The following PITPNC1 variants were observed in gnomAD, a reference collection of about 807,000 sequenced individuals.
PITPNC1 encodes the protein cytoplasmic phosphatidylinositol transfer protein 1.
A neutral mutation model predicts 44.7 loss-of-function variants in PITPNC1; 18 were observed. The observed-to-expected ratio is 0.40, with a 90% CI of 0.28 to 0.60. The LOEUF (loss-of-function observed/expected upper bound fraction) is 0.60. Among genes scored for constraint, PITPNC1 ranks in the 20% least tolerant of loss-of-function variants. The probability of loss-of-function intolerance (pLI) is 0.39; values close to 1 mark genes in which losing one functional copy is unlikely to be tolerated. For missense variants in PITPNC1, 290 were observed against 418.4 expected (o/e 0.69, Z 2.68); for synonymous variants, 141 against 149.6 (o/e 0.94, Z 0.42).
intron 7 of PITPNC1, among the ~76,000 whole-genome samples, chr17:67,672,500 G>A (rs934026111): frequency 6.6e-6 from 1 of 151,762 alleles, no homozygotes; most frequent in African/African-American, 2.4e-5. Context: ...TCCAGAGGCC[G>A]AGGCAGGAGA....
At chr17:67,456,775 A>G (rs893129580) in intron 1 of PITPNC1, among the ~76,000 whole-genome samples, 4 of 152,072 alleles carry the variant, frequency 2.6e-5, no homozygotes, top group African/African-American at 9.7e-5. Flanking sequence ...CGTCTTTCTA[A>G]GTACTCTTTT....
At chr17:67,534,663 G>GAA (rs1313208133) in intron 2 of PITPNC1, among the ~76,000 whole-genome samples, 1 of 151,500 alleles carries the variant, frequency 6.6e-6, no homozygotes, top group Non-Finnish European at 1.5e-5. Context: ...GAAAAGAAAA[G>GAA]AAAAGAATAA....
intron 2 of PITPNC1, among the ~76,000 whole-genome samples, chr17:67,544,005 C>T (rs1203855534): frequency 1.3e-5 from 2 of 152,136 alleles, no homozygotes; most frequent in East Asian, 3.9e-4. Context: ...CACCTGCTAC[C>T]ACGCCGGGCT....
At position 67,469,470 on chromosome 17, in the gene PITPNC1, G is replaced by A. The variant is rs528488758; in HGVS notation, c.49-63332G>A. 7.2e-5 allele frequency among the ~76,000 whole-genome samples: 11 copies of A among 152,206 alleles called. No homozygotes were observed. The South Asian group carries it at 1.9e-3, about 26-fold the overall frequency. ...GCCTCTGTGTTTTAACAAGATCCCCGGGATCTGTCTGCCTGTTGACAAGGG... is the reference window on the plus strand; with the variant it reads ...GCCTCTGTGTTTTAACAAGATCCCCAGGATCTGTCTGCCTGTTGACAAGGG... On this transcript the variant is annotated intron_variant, in intron 1 of 8. Transcript: ENST00000581322.
At chr17:67,565,894 A>G (rs1598828353) in intron 4 of PITPNC1, among the ~76,000 whole-genome samples, 1 of 149,762 alleles carries the variant, frequency 6.7e-6, no homozygotes, top group East Asian at 2.0e-4. Flanking sequence ...CTTGTTTTCC[A>G]TGTTTTTCAG....
At chr17:67,396,062 G>C (rs2038215800) in intron 1 of PITPNC1, among the ~76,000 whole-genome samples, 2 of 152,178 alleles carry the variant, frequency 1.3e-5, no homozygotes, top group African/African-American at 4.8e-5. Flanking sequence ...CTTTTCAGCA[G>C]CATGACTTAT....
intron 5 of PITPNC1, among the ~76,000 whole-genome samples, chr17:67,596,850 A>C (rs1274747421): frequency 1.3e-5 from 2 of 151,048 alleles, no homozygotes; most frequent in Non-Finnish European, 2.9e-5. Context: ...TTGCTTTTCT[A>C]TACTCCCTTG....
intron 1 of PITPNC1, among the ~76,000 whole-genome samples, chr17:67,408,506 G>C (rs1027063757): frequency 6.6e-6 from 1 of 152,108 alleles, no homozygotes; most frequent in African/African-American, 2.4e-5. Flanking sequence ...CTCCAGCCTG[G>C]ACGACAGAGT....
At chr17:67,588,092 C>T (rs1002286803) in intron 5 of PITPNC1, among the ~76,000 whole-genome samples, 3 of 152,176 alleles carry the variant, frequency 2.0e-5, no homozygotes, top group East Asian at 1.9e-4. Context: ...CAATCTCTAC[C>T]TCTCAGGTTC....
At chr17:67,628,311 CTATCTTTGTAGT>C (rs1435476504) in intron 5 of PITPNC1, among the ~76,000 whole-genome samples, 1 of 152,100 alleles carries the variant, frequency 6.6e-6, no homozygotes, top group Non-Finnish European at 1.5e-5. Flanking sequence ...CTCTCAAGGG[CTATCTTTGTAGT>C]CCCTCAAGCC....
At chr17:67,401,349 C>T (rs560877857) in intron 1 of PITPNC1, among the ~76,000 whole-genome samples, 1 of 152,250 alleles carries the variant, frequency 6.6e-6, no homozygotes, top group African/African-American at 2.4e-5. Flanking sequence ...ATCATCTTGC[C>T]TTTGGGCTTA....
chr17:67,467,922 T>G (rs897250177), intron 1 of PITPNC1, among the ~76,000 whole-genome samples: 1 of 152,232 alleles, frequency 6.6e-6, no homozygotes, highest in African/African-American at 2.4e-5. Context: ...AGTTGGAGAC[T>G]TACGATGTAA....
chr17:67,490,367 T>G (rs1211457217), intron 1 of PITPNC1, among the ~76,000 whole-genome samples: 3 of 152,126 alleles, frequency 2.0e-5, no homozygotes, highest in African/African-American at 7.2e-5. Context: ...GTTTTGTTTT[T>G]TTTTAAATCT....
chr17:67,669,955 C>A (rs1316166026), intron 7 of PITPNC1, among the ~76,000 whole-genome samples: 1 of 151,812 alleles, frequency 6.6e-6, no homozygotes, highest in Non-Finnish European at 1.5e-5. Flanking sequence ...GTGCCTGTAA[C>A]CCAGCTACTC....
rs184925131 is a variant in PITPNC1, at chr17:67,596,456, G to A, written c.366+18199G>A. Among the ~76,000 whole-genome samples, 14 of 152,126 alleles carry A rather than the reference G, an allele frequency of 9.2e-5. No individual in the cohort carries two copies. In the East Asian group the frequency reaches 1.4e-3, roughly 15 times the overall value. On this transcript the variant is annotated intron_variant, in intron 5 of 8. Coordinates refer to ENST00000581322, the MANE Select transcript of PITPNC1 (RefSeq NM_012417.4). ...CATTCTGCTTTGGCTAAGAGTTTAC[G>A]TAACTGCATACTGTTCCCTATTTCT...
chr17:67,529,922 T>A (rs2040438553), intron 1 of PITPNC1, among the ~76,000 whole-genome samples: 1 of 152,112 alleles, frequency 6.6e-6, no homozygotes, highest in South Asian at 2.1e-4. Context: ...CACTCCAGTC[T>A]GGGCGACAGA....
rs562298907 is a variant in PITPNC1 at position 67,659,427 on chromosome 17, T to C, written c.463-10081T>C. Among the ~76,000 whole-genome samples the C allele has an allele frequency of 7.9e-5, 12 of 152,338 alleles. No individual in the cohort carries two copies. The South Asian group carries it at 2.3e-3, about 29-fold the overall frequency. ...CATGTTGCCACATGGTCTCACCACA[T>C]GGCTAGCTTGGGCCTCCTCATATCA... On this transcript the variant is annotated intron_variant, in intron 6 of 8. Coordinates refer to ENST00000581322, the MANE Select transcript of PITPNC1 (RefSeq NM_012417.4).
At chr17:67,602,507 T>C (rs1160360867) in intron 5 of PITPNC1, among the ~76,000 whole-genome samples, 1 of 152,142 alleles carries the variant, frequency 6.6e-6, no homozygotes, top group East Asian at 1.9e-4. Context: ...ATAGTGTTGA[T>C]GGGCTGCCCA....
chr17:67,536,988 AC>A (rs2040539330), intron 2 of PITPNC1, among the ~76,000 whole-genome samples: 1 of 152,216 alleles, frequency 6.6e-6, no homozygotes, highest in Admixed American at 6.5e-5. Context: ...TAATAACCAT[AC>A]CAAAAAGACA....
Sources: gnomAD v4.1 joint callset for allele counts (sites outside exome capture counted in the v4.1 genomes callset) on GRCh38, gnomAD v4.1.1 for gene constraint, MANE v1.5 for transcripts, NCBI Gene and HGNC (gene_info 2026-07-23, HGNC 2026-07-21) for gene names.